TBCD: variants seen among roughly 807,000 people sequenced by gnomAD.
TBCD encodes the protein tubulin folding cofactor D.
Under a neutral mutation model 169.3 loss-of-function variants are expected in TBCD, and 105 were observed. The ratio of observed to expected loss-of-function variants is 0.62; its 90% CI spans 0.53 to 0.73. The LOEUF is 0.73. Ranked by LOEUF, TBCD falls within the 30% of genes least tolerant of loss-of-function variation. The pLI is 0.00. For missense variants in TBCD, 1,444 were observed against 1,600.1 expected, an observed-to-expected ratio of 0.90 and a Z score of 1.66; for synonymous variants, 700 against 643.9, an observed-to-expected ratio of 1.09 and a Z score of -1.32.
At chr17:82,768,177 A>G (rs890797785) in intron 4 of TBCD, among the ~76,000 whole-genome samples, 1 of 152,036 alleles carries the variant, frequency 6.6e-6, no homozygotes, top group Non-Finnish European at 1.5e-5. Flanking sequence ...TTCTTTGTTC[A>G]TTTTGATGTC....
At chr17:82,877,032 TC>T (rs1404537441) in intron 14 of TBCD, 10 of 935,206 alleles carry the variant, frequency 1.1e-5, no homozygotes, top group Non-Finnish European at 1.3e-5. Context: ...CATTCTTTCT[TC>T]ATTAATCAAT....
At chr17:82,758,407 ATAAAT>A (rs2047554247) in intron 2 of TBCD, among the ~76,000 whole-genome samples, 2 of 143,660 alleles carry the variant, frequency 1.4e-5, no homozygotes, top group Admixed American at 7.1e-5. Flanking sequence ...AAAAAAATAA[ATAAAT>A]AAATAAATTT....
At chr17:82,819,294 A>G (rs2052205413) in intron 13 of TBCD, among the ~76,000 whole-genome samples, 1 of 152,170 alleles carries the variant, frequency 6.6e-6, no homozygotes, top group Non-Finnish European at 1.5e-5. Flanking sequence ...AGTCCTCTGA[A>G]TAGGGGGACT....
chr17:82,941,385 C>T lies in TBCD; in HGVS notation c.3480-14C>T, dbSNP rs750972083. The T allele has an allele frequency of 1.9e-6, 3 of 1,577,572 alleles. No individual in the cohort carries two copies. In the East Asian group the frequency reaches 6.9e-5, roughly 36 times the overall value. ...GGGCACTCGAGAGACTCACGGCTCT[C>T]CCTCTCCTCACAGGGACGCGGAGCT... On this transcript the variant is annotated splice_polypyrimidine_tract_variant and intron_variant, in intron 37 of 38. Transcript: ENST00000355528.
At chr17:82,803,817 G>T (rs369902402) in intron 9 of TBCD, among the ~76,000 whole-genome samples, 2 of 151,968 alleles carry the variant, frequency 1.3e-5, no homozygotes, top group Non-Finnish European at 1.5e-5. Flanking sequence ...GCTGAGCTGC[G>T]CGCTTGCGTG....
In TBCD at chr17:82,828,761, A is replaced by G. The variant is rs2053190308; in HGVS notation, c.1318+13827A>G. Among the ~76,000 whole-genome samples, 4 of 150,850 alleles carry G rather than the reference A, an allele frequency of 2.7e-5. No individual in the cohort carries two copies. The South Asian group carries it at 8.4e-4, about 32-fold the overall frequency. On this transcript the variant is annotated intron_variant, in intron 13 of 38. Coordinates refer to ENST00000355528, the MANE Select transcript of TBCD (RefSeq NM_005993.5). ...CACACACCCAGAGATGCACACACAC[A>G]CATCTAATCAGATGTGCACCCCCAC...
chr17:82,940,732 G>A (rs926147461), intron 37 of TBCD, among the ~76,000 whole-genome samples: 1 of 151,842 alleles, frequency 6.6e-6, no homozygotes, highest in African/African-American at 2.4e-5. Context: ...CTACTGCTCT[G>A]GAGACCCGTT....
At chr17:82,753,216 C>T (rs953555974) in intron 1 of TBCD, among the ~76,000 whole-genome samples, 7 of 152,098 alleles carry the variant, frequency 4.6e-5, no homozygotes, top group Admixed American at 2.6e-4. Flanking sequence ...AGGAGTCAGG[C>T]AGGGTGGGGG....
intron 23 of TBCD, among the ~76,000 whole-genome samples, chr17:82,917,897 TC>T (rs1413542190): frequency 2.6e-5 from 4 of 152,010 alleles, no homozygotes; most frequent in Non-Finnish European, 5.9e-5. Context: ...CGCCGCTCTG[TC>T]CCTCTCAGGT....
chr17:82,872,470 G>T (rs2057647231), intron 14 of TBCD, among the ~76,000 whole-genome samples: 1 of 152,210 alleles, frequency 6.6e-6, no homozygotes, highest in African/African-American at 2.4e-5. Context: ...CCGGCTTTAG[G>T]CCCCTGCCGA....
intron 36 of TBCD, 50 bp from the exon 37 acceptor site, chr17:82,939,317 G>T: frequency 6.8e-7 from 1 of 1,470,068 alleles, no homozygotes; most frequent in East Asian, 2.4e-5. Context: ...TCTCTCCGGG[G>T]TGGGGCGGTG....
At chr17:82,827,514 C>G (rs968664093) in intron 13 of TBCD, among the ~76,000 whole-genome samples, 1 of 152,200 alleles carries the variant, frequency 6.6e-6, no homozygotes, top group Non-Finnish European at 1.5e-5. Flanking sequence ...CATTGAGTAG[C>G]CCCAGGGGTG....
At chr17:82,794,155 G>A (rs2049939464) in intron 7 of TBCD, among the ~76,000 whole-genome samples, 1 of 152,218 alleles carries the variant, frequency 6.6e-6, no homozygotes, top group South Asian at 2.1e-4. Flanking sequence ...GGCAGTGCCT[G>A]AAGGGAGCCT....
At chr17:82,836,129 G>T (rs565036635) in intron 13 of TBCD, among the ~76,000 whole-genome samples, 3 of 152,386 alleles carry the variant, frequency 2.0e-5, no homozygotes, top group South Asian at 2.1e-4. Flanking sequence ...TATGGGCTCA[G>T]TCCCTACCGT....
chr17:82,882,028 T>G (rs4986125), intron 14 of TBCD, among the ~76,000 whole-genome samples: 40,371 of 152,038 alleles, frequency 0.27, 5,391 homozygotes, highest in Middle Eastern at 0.31. Context: ...ACCCAACCTT[T>G]GGCCTCTCCT....
At chr17:82,841,628 G>A (rs1048191861) in intron 13 of TBCD, among the ~76,000 whole-genome samples, 1 of 152,218 alleles carries the variant, frequency 6.6e-6, no homozygotes, top group African/African-American at 2.4e-5. Context: ...AAAAACAGCA[G>A]TTCCCTGTCC....
In TBCD at chr17:82,904,480, A is replaced by G. The variant is rs145355883; in HGVS notation, c.1804+1002A>G. On this transcript the variant is annotated intron_variant, in intron 19 of 38. Transcript: ENST00000355528. ...TGAATGGGAGACTCAAAGTCTGCCCAGGACTAACATCACCTTGGAATGGCT... is the reference window on the plus strand; with the variant it reads ...TGAATGGGAGACTCAAAGTCTGCCCGGGACTAACATCACCTTGGAATGGCT... Among the ~76,000 whole-genome samples, 555 of 152,396 alleles carry G rather than the reference A, an allele frequency of 3.6e-3. 2 individuals are homozygous for G. Among genetic ancestry groups the G allele is most frequent in the African/African-American group, 0.013 (535 of 41,600 alleles).
chr17:82,944,216 G>A lies in TBCD; in HGVS notation c.*1753G>A, dbSNP rs1481407547. On this transcript the variant is annotated 3_prime_UTR_variant, in exon 39 of 39. Transcript: ENST00000355528. The stretch of plus-strand genomic sequence containing the variant: ...GTGGCAAAGCAGTTCTTCTTTTAAT[G>A]TCGGTCTAACTTAGCAACCCGAGGA... 2.6e-5 allele frequency: 4 copies of A among 152,290 alleles called. No individual in the cohort carries two copies. In the South Asian group the frequency reaches 6.2e-4, roughly 24 times the overall value. 9.4% of individuals were successfully genotyped at this position (152,290 alleles called of 1,614,324 possible). A position where few individuals can be genotyped will look rare whatever the true frequency, so the allele number is the denominator to read the frequency against.
intron 13 of TBCD, among the ~76,000 whole-genome samples, chr17:82,854,626 G>A (rs758588462): frequency 7.9e-5 from 12 of 152,198 alleles, no homozygotes; most frequent in Non-Finnish European, 1.3e-4. Flanking sequence ...TCAGAAAAGG[G>A]GCAAGCATTC....
Sources: gnomAD v4.1 joint callset for allele counts (sites outside exome capture counted in the v4.1 genomes callset) on GRCh38, gnomAD v4.1.1 for gene constraint, MANE v1.5 for transcripts, NCBI Gene and HGNC (gene_info 2026-07-23, HGNC 2026-07-21) for gene names.